SLC39A14: variants seen among roughly 807,000 people sequenced by gnomAD.
SLC39A14 encodes solute carrier family 39 member 14, also known as metal cation symporter ZIP14.
Under a neutral mutation model 45.5 loss-of-function variants are expected in SLC39A14, and 19 were observed. The observed-to-expected ratio is 0.42, with a 90% CI of 0.29 to 0.61. The LOEUF (loss-of-function observed/expected upper bound fraction) is 0.61. Ranked by LOEUF, SLC39A14 falls within the 20% of genes least tolerant of loss-of-function variation. The probability of loss-of-function intolerance (pLI) is 0.22; values close to 1 mark genes in which losing one functional copy is unlikely to be tolerated. For synonymous variants in SLC39A14, 264 were observed against 251.3 expected, an observed-to-expected ratio of 1.05 and a Z score of -0.48; for missense variants, 447 against 616.5, an observed-to-expected ratio of 0.73 and a Z score of 2.91.
downstream of SLC39A14, among the ~76,000 whole-genome samples, chr8:22,422,948 C>G (rs559464008): frequency 4.7e-5 from 7 of 148,980 alleles, no homozygotes; most frequent in African/African-American, 1.7e-4. Context: ...CTCAGCCTCC[C>G]GAGTAGCTGG....
chr8:22,413,336 G>A (rs571241886), intron 4 of SLC39A14, among the ~76,000 whole-genome samples: 2 of 152,246 alleles, frequency 1.3e-5, no homozygotes, highest in African/African-American at 2.4e-5. Context: ...AACAAGTAAC[G>A]TTTTACCACG....
At chr8:22,408,284 G>A (rs1586725619) in intron 2 of SLC39A14, 26 bp from the exon 3 acceptor site, 2 of 1,604,430 alleles carry the variant, frequency 1.2e-6, no homozygotes, top group Non-Finnish European at 8.5e-7. Flanking sequence ...GGGTCTAAGC[G>A]GCTTCCTGCC....
At chr8:22,412,950 A>G (rs1379667651) in intron 4 of SLC39A14, among the ~76,000 whole-genome samples, 2 of 152,272 alleles carry the variant, frequency 1.3e-5, no homozygotes, top group Non-Finnish European at 2.9e-5. Context: ...AAACAAACAA[A>G]CAAACTCCCA....
intron 1 of SLC39A14, among the ~76,000 whole-genome samples, chr8:22,401,114 T>A (rs1253565989): frequency 2.6e-5 from 4 of 152,172 alleles, no homozygotes; most frequent in Non-Finnish European, 5.9e-5. Flanking sequence ...TCAAGGTAGG[T>A]TTGTCTGACA....
At chr8:22,418,231 TA>T (rs949298576) in intron 8 of SLC39A14, among the ~76,000 whole-genome samples, 17 of 152,330 alleles carry the variant, frequency 1.1e-4, no homozygotes, top group Admixed American at 9.1e-4. Flanking sequence ...ACATCTTCCT[TA>T]GCTTTCTTTC....
At chr8:22,402,317 G>A (rs1358909002) in intron 1 of SLC39A14, among the ~76,000 whole-genome samples, 1 of 151,956 alleles carries the variant, frequency 6.6e-6, no homozygotes, top group African/African-American at 2.4e-5. Context: ...CCCAGGAGGC[G>A]GAGCTTGCAG....
At chr8:22,378,855 C>A (rs1833348913) in intron 1 of SLC39A14, among the ~76,000 whole-genome samples, 1 of 152,178 alleles carries the variant, frequency 6.6e-6, no homozygotes, top group African/African-American at 2.4e-5. Context: ...TGAACATGAT[C>A]AGGTCTTAAT....
intron 1 of SLC39A14, among the ~76,000 whole-genome samples, chr8:22,392,576 A>G (rs1184928145): frequency 3.3e-5 from 5 of 152,200 alleles, no homozygotes; most frequent in African/African-American, 4.8e-5. Context: ...CTTGGACGAC[A>G]GGGAGAATTT....
At chr8:22,371,631 C>T (rs1460818883) in intron 1 of SLC39A14, among the ~76,000 whole-genome samples, 1 of 151,706 alleles carries the variant, frequency 6.6e-6, no homozygotes, top group African/African-American at 2.4e-5. Context: ...CGGGGTTTCA[C>T]CATGTTGGCC....
chr8:22,392,257 A>AGTGAT (rs1834117229), intron 1 of SLC39A14, among the ~76,000 whole-genome samples: 1 of 152,192 alleles, frequency 6.6e-6, no homozygotes, highest in South Asian at 2.1e-4. Flanking sequence ...TGCCGGGCTC[A>AGTGAT]GTGCTGTGCT....
In SLC39A14 at chr8:22,421,383, T is replaced by C; in HGVS notation, c.*1685T>C. On this transcript the variant is annotated 3_prime_UTR_variant, in exon 9 of 9. Transcript: ENST00000381237. Reference sequence around the variant, plus strand: ...AGGAAAAACTGCTGGTGATACTTTTTTTAAGTTTTGTTTTTATCTTGCCTG... The same window carrying C: ...AGGAAAAACTGCTGGTGATACTTTTCTTAAGTTTTGTTTTTATCTTGCCTG... 1.0e-6 allele frequency: 1 copy of C among 985,900 alleles called. No individual in the cohort carries two copies. Among genetic ancestry groups the C allele is most frequent in the Non-Finnish European group, 1.2e-6 (1 of 829,942 alleles). 61.1% of individuals were successfully genotyped at this position (985,900 alleles called of 1,614,324 possible).
chr8:22,389,202 C>T (rs1174191124), intron 1 of SLC39A14, among the ~76,000 whole-genome samples: 2 of 152,224 alleles, frequency 1.3e-5, no homozygotes, highest in African/African-American at 4.8e-5. Flanking sequence ...GTTGCTGGTC[C>T]AACCCCAGTG....
chr8:22,424,873 A>G (rs991385658), downstream of SLC39A14, among the ~76,000 whole-genome samples: 33 of 152,056 alleles, frequency 2.2e-4, no homozygotes, highest in African/African-American at 7.5e-4. Flanking sequence ...TACTAAAAAT[A>G]CAAAATTTAG....
At chr8:22,417,439 A>G (rs920871077) in intron 7 of SLC39A14, among the ~76,000 whole-genome samples, 3 of 151,830 alleles carry the variant, frequency 2.0e-5, no homozygotes, top group African/African-American at 7.3e-5. Flanking sequence ...TTTCACCCAC[A>G]CTTTTAGCAG....
chr8:22,380,750 C>T (rs918736354), intron 1 of SLC39A14, among the ~76,000 whole-genome samples: 2 of 151,972 alleles, frequency 1.3e-5, no homozygotes, highest in African/African-American at 4.8e-5. Context: ...CATAATGGCC[C>T]ACTACTGATT....
chr8:22,387,159 T>C (rs11136021), intron 1 of SLC39A14, among the ~76,000 whole-genome samples: 86,254 of 149,734 alleles, frequency 0.58, 26,227 homozygotes, highest in African/African-American at 0.78. Flanking sequence ...GGTAACAGAG[T>C]GAGACCCTGT....
intron 8 of SLC39A14, among the ~76,000 whole-genome samples, chr8:22,419,216 G>C (rs559173045): frequency 2.0e-5 from 3 of 151,994 alleles, no homozygotes; most frequent in Admixed American, 2.0e-4. Context: ...ATGGAGTCTC[G>C]CTCTGTTGCC....
chr8:22,411,988 G>T, intron 3 of SLC39A14, 49 bp from the exon 4 acceptor site: 1 of 1,509,864 alleles, frequency 6.6e-7, no homozygotes, highest in Non-Finnish European at 8.9e-7. Flanking sequence ...TGGGGCATGT[G>T]CCTTCTCTCC....
chr8:22,377,167 C>G (rs1314285332), intron 1 of SLC39A14, among the ~76,000 whole-genome samples: 23 of 152,108 alleles, frequency 1.5e-4, no homozygotes. Context: ...AGATTTTGTT[C>G]TGTGGGTTAA....
Sources: allele counts gnomAD v4.1 joint callset (sites outside exome capture counted in the v4.1 genomes callset), GRCh38; gene constraint gnomAD v4.1.1; transcripts MANE v1.5; gene names NCBI Gene and HGNC (gene_info 2026-07-23, HGNC 2026-07-21).